The following SGCG variants were observed in gnomAD, a reference collection of about 807,000 sequenced individuals.
SGCG encodes the protein sarcoglycan gamma.
SGCG carries 26 observed loss-of-function variants against 29.3 expected under a neutral mutation model. That is an observed-to-expected ratio of 0.89 (90% CI 0.65 to 1.23). SGCG has a LOEUF of 1.23. SGCG is among the 50% of genes most tolerant of loss of function. SGCG has a pLI of 0.00. For missense variants in SGCG, 353 were observed against 356.0 expected (o/e 0.99, Z 0.07); for synonymous variants, 145 against 129.7 (o/e 1.12, Z -0.80).
chr13:23,190,492 A>G (rs1309428014), intron 1 of SGCG, among the ~76,000 whole-genome samples: 1 of 152,152 alleles, frequency 6.6e-6, no homozygotes, highest in African/African-American at 2.4e-5. Flanking sequence ...AGCTTTGGGG[A>G]TAAATTTTAA....
intron 6 of SGCG, among the ~76,000 whole-genome samples, chr13:23,316,285 A>C (rs765340036): frequency 6.6e-6 from 1 of 152,178 alleles, no homozygotes; most frequent in Non-Finnish European, 1.5e-5. Context: ...CCTATCCTGC[A>C]TGCAATGTTT....
intron 5 of SGCG, among the ~76,000 whole-genome samples, chr13:23,288,865 T>C (rs1390581926): frequency 1.3e-5 from 2 of 152,160 alleles, no homozygotes; most frequent in East Asian, 3.9e-4. Flanking sequence ...ATATTATCTT[T>C]AAAAACAGAG....
chr13:23,236,474 A>G lies in SGCG; in HGVS notation c.297+1762A>G, dbSNP rs368235826. 1.6e-4 allele frequency among the ~76,000 whole-genome samples: 24 copies of G among 152,170 alleles called. 1 individual carries two copies. The highest frequency in any genetic ancestry group is 8.3e-4 in the South Asian group (4 of 4,814). On this transcript the variant is annotated intron_variant, in intron 3 of 7. Coordinates refer to ENST00000218867, the MANE Select transcript of SGCG (RefSeq NM_000231.3). ...GGGCAGATCACAAGGTCAGGAGATC[A>G]AGACCATCCTGGCTAACACAGTGAA...
chr13:23,304,026 A>G (rs1882273565), intron 6 of SGCG, among the ~76,000 whole-genome samples: 1 of 152,282 alleles, frequency 6.6e-6, no homozygotes, highest in Middle Eastern at 3.4e-3. Flanking sequence ...AACTTTTCAT[A>G]TGTTTAAAGG....
intron 4 of SGCG, among the ~76,000 whole-genome samples, chr13:23,267,079 G>A (rs1880667548): frequency 6.6e-6 from 1 of 152,136 alleles, no homozygotes; most frequent in African/African-American, 2.4e-5. Flanking sequence ...TACAGCTCTG[G>A]TTACTGTTGT....
At chr13:23,304,141 C>G (rs1882277151) in intron 6 of SGCG, among the ~76,000 whole-genome samples, 1 of 151,970 alleles carries the variant, frequency 6.6e-6, no homozygotes, top group African/African-American at 2.4e-5. Context: ...AATATTAGCC[C>G]TTCATCCCTG....
chr13:23,316,028 G>T (rs748770160), intron 6 of SGCG, among the ~76,000 whole-genome samples: 3 of 152,184 alleles, frequency 2.0e-5, no homozygotes, highest in Non-Finnish European at 4.4e-5. Context: ...GGCCATGGTG[G>T]CAGGGATGGA....
In SGCG at chr13:23,248,030, T is replaced by C. The variant is rs1879784563; in HGVS notation, c.298-2600T>C. On this transcript the variant is annotated intron_variant, in intron 3 of 7. Coordinates refer to ENST00000218867, the MANE Select transcript of SGCG (RefSeq NM_000231.3). ...TGGCTCACGCCTGTAATCCCAGCAC[T>C]TTGGAAGGCCAAAGCGGGTGGATCA... Among the ~76,000 whole-genome samples, 4 of 139,836 alleles carry C rather than the reference T, an allele frequency of 2.9e-5. No individual in the cohort carries two copies. In the Admixed American group the frequency reaches 3.0e-4, roughly 11 times the overall value. The allele number at this position is 139,836 out of a possible 152,430, so 91.7% of individuals were successfully genotyped here.
chr13:23,210,616 G>A (rs372255163), intron 2 of SGCG, among the ~76,000 whole-genome samples: 4 of 152,160 alleles, frequency 2.6e-5, no homozygotes, highest in South Asian at 2.1e-4. Flanking sequence ...CGGTGAACCC[G>A]GGAGGCGGAG....
intron 4 of SGCG, among the ~76,000 whole-genome samples, chr13:23,254,501 CA>C (rs879761489): frequency 0.018 from 2,584 of 140,216 alleles, 60 homozygotes; most frequent in African/African-American, 0.054. Context: ...GATATAAGAG[CA>C]AAAAAAAAAA....
intron 4 of SGCG, among the ~76,000 whole-genome samples, chr13:23,259,051 G>A (rs1880318807): frequency 6.6e-6 from 1 of 152,106 alleles, no homozygotes; most frequent in Non-Finnish European, 1.5e-5. Context: ...GGATGATGTT[G>A]GCCTCATAAA....
At chr13:23,217,400 A>G (rs1205726163) in intron 2 of SGCG, 1 of 152,028 alleles carries the variant, frequency 6.6e-6, no homozygotes, top group African/African-American at 2.4e-5. Context: ...TTGCCTTTAC[A>G]GTCTATTATG....
Position 23,236,824 on chromosome 13 carries a change from G to A in SGCG, c.297+2112G>A, listed in dbSNP as rs1035546443. ...AAGTCTTAGAATGTGGCATTAATGA[G>A]TATGTCAATCAACACATAAAATTCA... On this transcript the variant is annotated intron_variant, in intron 3 of 7. Transcript: ENST00000218867. Among the ~76,000 whole-genome samples the A allele has an allele frequency of 7.2e-5, 11 of 152,172 alleles. No homozygotes were observed. In the East Asian group the frequency reaches 7.7e-4, roughly 11 times the overall value.
At chr13:23,199,952 CAAGCCTCACCAGACTG>C (rs1877674191) in intron 1 of SGCG, among the ~76,000 whole-genome samples, 2 of 152,168 alleles carry the variant, frequency 1.3e-5, no homozygotes. Context: ...CATTTTTGGG[CAAGCCTCACCAGACTG>C]AAGGAGATCT....
chr13:23,275,489 C>T (rs1243563249), intron 4 of SGCG, among the ~76,000 whole-genome samples: 2 of 137,384 alleles, frequency 1.5e-5, no homozygotes, highest in Admixed American at 7.5e-5. Flanking sequence ...GGCGACAGAG[C>T]GAGACCCTGT....
chr13:23,182,726 A>G (rs1876791231), intron 1 of SGCG, among the ~76,000 whole-genome samples: 1 of 152,132 alleles, frequency 6.6e-6, no homozygotes, highest in Non-Finnish European at 1.5e-5. Context: ...ACCTGTGAAA[A>G]TCTCACTGCC....
intron 4 of SGCG, among the ~76,000 whole-genome samples, chr13:23,255,255 T>C (rs1427489354): frequency 1.3e-5 from 2 of 152,238 alleles, no homozygotes; most frequent in African/African-American, 2.4e-5. Flanking sequence ...CTGGTCACCT[T>C]GAGGTGCCAT....
At chr13:23,210,034 T>C (rs1037103782) in intron 2 of SGCG, among the ~76,000 whole-genome samples, 2 of 152,186 alleles carry the variant, frequency 1.3e-5, no homozygotes, top group African/African-American at 4.8e-5. Flanking sequence ...CTCTTGACCA[T>C]TTATTAACAG....
intron 3 of SGCG, among the ~76,000 whole-genome samples, chr13:23,241,806 T>G (rs113948299): frequency 1.1e-4 from 17 of 152,134 alleles, no homozygotes; most frequent in African/African-American, 3.9e-4. Flanking sequence ...ACACCATACA[T>G]CACATCAATA....
Sources: allele counts gnomAD v4.1 joint callset (sites outside exome capture counted in the v4.1 genomes callset), GRCh38; gene constraint gnomAD v4.1.1; transcripts MANE v1.5; gene names NCBI Gene and HGNC (gene_info 2026-07-23, HGNC 2026-07-21).